The following DDX1 variants were observed in gnomAD, a reference collection of about 807,000 sequenced individuals.
DDX1 encodes the protein DEAD-box helicase 1.
Under a neutral mutation model 108.7 loss-of-function variants are expected in DDX1, and 28 were observed. The observed-to-expected ratio is 0.26, with a 90% CI of 0.19 to 0.35. The LOEUF (loss-of-function observed/expected upper bound fraction) is 0.35. DDX1 is among the 10% of genes least tolerant of loss of function. The pLI, the probability that DDX1 is intolerant of heterozygous loss-of-function variation, is 1.00. For missense variants in DDX1, 710 were observed against 884.5 expected (o/e 0.80, Z 2.50); for synonymous variants, 295 against 288.9 (o/e 1.02, Z -0.21).
chr2:15,616,146 C>T lies in DDX1; in HGVS notation c.1018-1098C>T, dbSNP rs549845143. On this transcript the variant is annotated intron_variant, in intron 14 of 25. Transcript: ENST00000233084. ...CAGGCTGGTCTTGAACTCCTGAGCT[C>T]AGGCAATCTGCCTGCCTCGGCCTCC... Among the ~76,000 whole-genome samples the T allele has an allele frequency of 2.7e-4, 41 of 152,182 alleles. No individual in the cohort carries two copies. In the South Asian group the frequency reaches 7.7e-3, roughly 29 times the overall value.
In DDX1 at chr2:15,595,554, G is replaced by T; in HGVS notation, c.132+1G>T. On this transcript the variant is annotated splice_donor_variant, in intron 3 of 25. Transcript: ENST00000233084. LOFTEE classifies it high-confidence loss of function. ...CTTAGGAGGAGGTGATGTACTTATG[G>T]TAAGTTTAAATTTGGTGAGGTGATT... 1 of 1,605,250 alleles carries T rather than the reference G, an allele frequency of 6.2e-7. No individual in the cohort carries two copies. Among genetic ancestry groups the T allele is most frequent in the Non-Finnish European group, 8.5e-7 (1 of 1,171,960 alleles).
At chr2:15,611,005 G>T (rs1443272632) in intron 13 of DDX1, among the ~76,000 whole-genome samples, 1 of 150,348 alleles carries the variant, frequency 6.7e-6, no homozygotes, top group East Asian at 1.9e-4. Flanking sequence ...AAAGGTCTCT[G>T]GTTTTCCTAG....
chr2:15,630,960 T>G lies in DDX1; in HGVS notation c.*54T>G. 6.4e-7 allele frequency: 1 copy of G among 1,568,722 alleles called. No individual in the cohort carries two copies. Among genetic ancestry groups the G allele is most frequent in the Non-Finnish European group, 8.8e-7 (1 of 1,142,562 alleles). ...TAATGAAAGTCTGTAGTCTTAAAAC[T>G]CTAAAACAGTTGTACTGCTTCCAAG... On this transcript the variant is annotated 3_prime_UTR_variant, in exon 26 of 26. Coordinates refer to ENST00000233084, the MANE Select transcript of DDX1 (RefSeq NM_004939.3).
chr2:15,601,642 A>G (rs1558451990), intron 6 of DDX1, among the ~76,000 whole-genome samples: 1 of 152,228 alleles, frequency 6.6e-6, no homozygotes, highest in African/African-American at 2.4e-5. Flanking sequence ...AGGAACCGTC[A>G]TGTGTTCAGC....
intron 13 of DDX1, 98 bp from the exon 14 acceptor site, chr2:15,613,126 C>A: frequency 1.2e-6 from 1 of 818,946 alleles, no homozygotes; most frequent in Non-Finnish European, 1.8e-6. Flanking sequence ...ACTTTCTCAA[C>A]CTTAATTTCC....
At chr2:15,628,750 A>G (rs535208805) in intron 22 of DDX1, 40 bp downstream of exon 22, 4 of 1,613,290 alleles carry the variant, frequency 2.5e-6, no homozygotes, top group East Asian at 2.2e-5. Flanking sequence ...TTAAGCTTGT[A>G]TGCTTTAGGA....
intron 9 of DDX1, 29 bp from the exon 10 acceptor site, chr2:15,604,408 T>G: frequency 2.1e-6 from 3 of 1,412,980 alleles, no homozygotes; most frequent in Non-Finnish European, 3.0e-6. Context: ...TACTTTCTAT[T>G]AATAGCATTT....
At position 15,597,441 on chromosome 2, in the gene DDX1, G is replaced by A. The variant is rs751468588; in HGVS notation, c.229G>A (p.Gly77Arg). The change falls in exon 5 of 26, where the codon GGA becomes AGA. Residue 77 changes from glycine to arginine, a missense_variant. By Grantham distance (125) the Gly-to-Arg change is moderately radical (BLOSUM62 -2). Around this residue, in one of 3 missense-constraint regions of DDX1, gnomAD observed 661 missense variants for 810.2 expected, o/e 0.82. Transcript: ENST00000233084. ...TLKDQQEGKK[G>R]KTTIKTGASV... ...GAAAGACCAACAGGAAGGCAAAAAAGGAAAAACAACAATTAAAACTGGTGC... is the reference window on the plus strand; with the variant it reads ...GAAAGACCAACAGGAAGGCAAAAAAAGAAAAACAACAATTAAAACTGGTGC... The A allele has an allele frequency of 1.2e-6, 2 of 1,606,624 alleles. No homozygotes were observed. The highest frequency in any genetic ancestry group is 1.7e-5 in the Admixed American group (1 of 58,668).
rs373193261 is a variant in DDX1, at chr2:15,599,641, G to A, written c.260-28G>A. On this transcript the variant is annotated intron_variant, in intron 5 of 25. Coordinates refer to ENST00000233084, the MANE Select transcript of DDX1 (RefSeq NM_004939.3). ...CATTTTAAATTTTATATATCTGTGG[G>A]TAACTTTTCTTATTTTAATTTGTTT... 2.4e-4 allele frequency: 381 copies of A among 1,569,102 alleles called. 1 individual carries two copies. The highest frequency in any genetic ancestry group is 3.2e-4 in the Non-Finnish European group (371 of 1,152,242).
intron 16 of DDX1, among the ~76,000 whole-genome samples, chr2:15,618,921 G>T (rs938776703): frequency 2.6e-5 from 4 of 152,228 alleles, no homozygotes; most frequent in Admixed American, 2.6e-4. Flanking sequence ...CCTTAACTTT[G>T]TTCTGTGATC....
chr2:15,594,541 A>G (rs1331982091), intron 1 of DDX1, among the ~76,000 whole-genome samples: 2 of 152,218 alleles, frequency 1.3e-5, no homozygotes, highest in Non-Finnish European at 2.9e-5. Flanking sequence ...TTAAGAACTC[A>G]GCAGTTCTTC....
chr2:15,615,187 A>G (rs1215062649), intron 14 of DDX1, among the ~76,000 whole-genome samples: 1 of 152,212 alleles, frequency 6.6e-6, no homozygotes, highest in African/African-American at 2.4e-5. Context: ...TCAGCTTGGC[A>G]ATGAGAGTAG....
At chr2:15,615,869 A>G (rs543102529) in intron 14 of DDX1, among the ~76,000 whole-genome samples, 235 of 152,194 alleles carry the variant, frequency 1.5e-3, no homozygotes, top group African/African-American at 5.4e-3. Context: ...TACATCATAT[A>G]CACACTTTAT....
chr2:15,606,434 T>G (rs1665664223), intron 12 of DDX1, among the ~76,000 whole-genome samples, 170 bp downstream of exon 12: 1 of 152,246 alleles, frequency 6.6e-6, no homozygotes, highest in Admixed American at 6.5e-5. Flanking sequence ...ATTCATAAAC[T>G]CTTAAGTATT....
rs747891322 is a variant in DDX1, at chr2:15,623,509, T to C, written c.1521T>C (p.Asp507=). The C allele has an allele frequency of 6.2e-7, 1 of 1,613,570 alleles. No homozygotes were observed. The highest frequency in any genetic ancestry group is 2.2e-5 in the East Asian group (1 of 44,784). The part of the protein sequence containing the change: ...AVRAIKEHKM[D]QAIIFCRTKI... Reference sequence around the variant, plus strand: ...GGGCAATCAAGGAACATAAGATGGATCAAGCAATTATCTTCTGTAGAACCA... The same window carrying C: ...GGGCAATCAAGGAACATAAGATGGACCAAGCAATTATCTTCTGTAGAACCA... Residue 507 remains aspartate (D), a synonymous_variant, in exon 19 of 26, where the codon GAT becomes GAC. Coordinates refer to ENST00000233084, the MANE Select transcript of DDX1 (RefSeq NM_004939.3).
At chr2:15,623,623 C>T in intron 19 of DDX1, 41 bp downstream of exon 19, 2 of 1,522,280 alleles carry the variant, frequency 1.3e-6, no homozygotes, top group African/African-American at 1.4e-5. Flanking sequence ...TTTATATCCT[C>T]TTGTAATAGA....
chr2:15,617,367 T>C, intron 15 of DDX1, 25 bp downstream of exon 15: 1 of 1,387,446 alleles, frequency 7.2e-7, no homozygotes, highest in Non-Finnish European at 9.9e-7. Flanking sequence ...AATCATACTT[T>C]TTAAAAAGTT....
At chr2:15,594,085 CAAAAG>C (rs983085526) in intron 1 of DDX1, among the ~76,000 whole-genome samples, 3 of 146,480 alleles carry the variant, frequency 2.0e-5, no homozygotes, top group Admixed American at 1.4e-4. Context: ...CAAAAAAAAA[CAAAAG>C]AAAAGAAAAA....
At chr2:15,601,167 T>C (rs1177496734) in intron 6 of DDX1, among the ~76,000 whole-genome samples, 3 of 152,220 alleles carry the variant, frequency 2.0e-5, no homozygotes, top group Non-Finnish European at 4.4e-5. Flanking sequence ...ACAGCAGATG[T>C]GTGGGGTTTT....
Sources: gnomAD v4.1 joint callset for allele counts (sites outside exome capture counted in the v4.1 genomes callset) on GRCh38, gnomAD v4.1.1 for gene constraint, gnomAD v4.1.1 regional missense constraint, MANE v1.5 for transcripts, NCBI Gene and HGNC (gene_info 2026-07-23, HGNC 2026-07-21) for gene names.